Variants in TAFA1 observed in about 807,000 individuals in gnomAD.
The protein encoded by TAFA1 is chemokine-like protein TAFA-1.
In TAFA1, 4 loss-of-function variants were observed where a neutral mutation model predicts 18.5. The observed-to-expected ratio is 0.22, with a 90% confidence interval of 0.11 to 0.49. TAFA1 has a LOEUF of 0.49. Ranked by LOEUF, TAFA1 falls within the 20% of genes least tolerant of loss-of-function variation. TAFA1 has a pLI of 0.98. For synonymous variants in TAFA1, 56 were observed against 55.2 expected (o/e 1.01, Z -0.06); for missense variants, 147 against 169.0 (o/e 0.87, Z 0.72).
At chr3:68,173,659 G>A (rs1047427190) in intron 2 of TAFA1, among the ~76,000 whole-genome samples, 1 of 152,152 alleles carries the variant, frequency 6.6e-6, no homozygotes, top group African/African-American at 2.4e-5. Context: ...AGACCGACAA[G>A]TCTTCACTCT....
At chr3:68,028,956 T>C (rs550396952) in intron 2 of TAFA1, among the ~76,000 whole-genome samples, 9 of 152,066 alleles carry the variant, frequency 5.9e-5, no homozygotes, top group African/African-American at 1.9e-4. Context: ...GTTTTGCCAT[T>C]TGCCCAGGCT....
intron 2 of TAFA1, among the ~76,000 whole-genome samples, chr3:68,110,195 G>A (rs1020204351): frequency 6.6e-6 from 1 of 152,088 alleles, no homozygotes; most frequent in Middle Eastern, 3.2e-3. Context: ...TGTTCTCATG[G>A]TTCAGCTCCC....
intron 3 of TAFA1, among the ~76,000 whole-genome samples, chr3:68,537,085 A>T (rs924484159): frequency 2.0e-5 from 3 of 152,148 alleles, no homozygotes; most frequent in African/African-American, 7.2e-5. Flanking sequence ...AGAATGCCTC[A>T]GTCATTCTGA....
chr3:68,305,628 G>C (rs2068404035), intron 2 of TAFA1, among the ~76,000 whole-genome samples: 2 of 151,490 alleles, frequency 1.3e-5, no homozygotes, highest in Admixed American at 1.3e-4. Flanking sequence ...TTCCTAGCTA[G>C]AGTAAATAAT....
intron 2 of TAFA1, among the ~76,000 whole-genome samples, chr3:68,183,693 T>C (rs1243288441): frequency 6.6e-6 from 1 of 152,172 alleles, no homozygotes; most frequent in Non-Finnish European, 1.5e-5. Context: ...CATTCTTTCA[T>C]TACCTGTGTG....
intron 2 of TAFA1, among the ~76,000 whole-genome samples, chr3:68,353,873 A>G (rs564668419): frequency 8.5e-5 from 13 of 152,206 alleles, no homozygotes; most frequent in African/African-American, 1.9e-4. Flanking sequence ...AATCAACCCC[A>G]GTCTGAGCAG....
intron 2 of TAFA1, among the ~76,000 whole-genome samples, chr3:68,364,108 G>A (rs1228180710): frequency 2.0e-5 from 3 of 152,192 alleles, no homozygotes; most frequent in African/African-American, 7.2e-5. Flanking sequence ...GCTGGGAGGA[G>A]TGACAACAGA....
intron 2 of TAFA1, among the ~76,000 whole-genome samples, chr3:68,215,243 A>T (rs975599924): frequency 3.3e-5 from 5 of 152,096 alleles, no homozygotes; most frequent in African/African-American, 1.2e-4. Flanking sequence ...TAATCTTCAC[A>T]CTAAGCAGTG....
At position 68,015,158 on chromosome 3, in the gene TAFA1, G is replaced by T. The variant is rs1429222894; in HGVS notation, c.118+8414G>T. ...GTTATACCCAGCAGACTAAAACATT[G>T]TGTCTGTAAGCTAAATGGTATTACT... is the stretch of plus-strand genomic sequence containing the variant. On this transcript the variant is annotated intron_variant, in intron 2 of 4. Coordinates refer to ENST00000478136, the MANE Select transcript of TAFA1 (RefSeq NM_213609.4). 1.2e-4 allele frequency among the ~76,000 whole-genome samples: 19 copies of T among 152,262 alleles called. 1 individual carries two copies. Among genetic ancestry groups the T allele is most frequent in the Admixed American group, 1.2e-3 (18 of 15,292 alleles).
intron 2 of TAFA1, among the ~76,000 whole-genome samples, chr3:68,069,582 C>T (rs1270166797): frequency 6.6e-6 from 1 of 152,166 alleles, no homozygotes; most frequent in South Asian, 2.1e-4. Flanking sequence ...ACCAGCCATG[C>T]CTTCCCTCAC....
chr3:68,327,340 A>T (rs2068792798), intron 2 of TAFA1, among the ~76,000 whole-genome samples: 1 of 152,174 alleles, frequency 6.6e-6, no homozygotes, highest in African/African-American at 2.4e-5. Context: ...CAGAAATTTG[A>T]GGCCTATCAT....
the TAFA1 span, among the ~76,000 whole-genome samples, chr3:67,996,911 T>C: frequency 0.031 from 4,724 of 152,138 alleles, 258 homozygotes; most frequent in African/African-American, 0.11. Flanking sequence ...GAGACAATAA[T>C]AGAGAAATAT....
chr3:68,308,503 A>G (rs192452514), intron 2 of TAFA1, among the ~76,000 whole-genome samples: 4 of 152,292 alleles, frequency 2.6e-5, no homozygotes, highest in African/African-American at 9.6e-5. Flanking sequence ...TCAGAGGGAC[A>G]AAAGCTTCTT....
At chr3:68,173,032 GA>G (rs1253868020) in intron 2 of TAFA1, among the ~76,000 whole-genome samples, 1 of 151,994 alleles carries the variant, frequency 6.6e-6, no homozygotes, top group East Asian at 1.9e-4. Flanking sequence ...AAAATCTGAG[GA>G]TTTTTTTTAA....
intron 2 of TAFA1, among the ~76,000 whole-genome samples, chr3:68,363,706 G>C (rs950365695): frequency 6.6e-6 from 1 of 152,002 alleles, no homozygotes; most frequent in Non-Finnish European, 1.5e-5. Context: ...GACTCATCCC[G>C]GTTCTTTTTA....
At chr3:68,165,416 A>C (rs2065972577) in intron 2 of TAFA1, among the ~76,000 whole-genome samples, 1 of 152,232 alleles carries the variant, frequency 6.6e-6, no homozygotes, top group African/African-American at 2.4e-5. Flanking sequence ...TCTCAGGAGA[A>C]ATAATTGTCT....
At chr3:68,173,306 G>A (rs935463130) in intron 2 of TAFA1, among the ~76,000 whole-genome samples, 6 of 147,890 alleles carry the variant, frequency 4.1e-5, no homozygotes, top group South Asian at 2.1e-4. Flanking sequence ...TGAAGAGGCC[G>A]CTTAAGAGCC....
chr3:68,151,020 A>G (rs1003213306), intron 2 of TAFA1, among the ~76,000 whole-genome samples: 5 of 151,984 alleles, frequency 3.3e-5, no homozygotes, highest in African/African-American at 1.2e-4. Flanking sequence ...TGACTTGCTG[A>G]CATGGGGCCT....
At chr3:68,062,119 AT>A (rs1371924241) in intron 2 of TAFA1, among the ~76,000 whole-genome samples, 1 of 152,080 alleles carries the variant, frequency 6.6e-6, no homozygotes, top group African/African-American at 2.4e-5. Context: ...ACTATCACTT[AT>A]TTTTTTCTTT....
Sources: allele counts gnomAD v4.1 joint callset (sites outside exome capture counted in the v4.1 genomes callset), GRCh38; gene constraint gnomAD v4.1.1; transcripts MANE v1.5; gene names NCBI Gene and HGNC (gene_info 2026-07-23, HGNC 2026-07-21).